The following GALNTL6 variants were observed in gnomAD, a reference collection of about 807,000 sequenced individuals.
GALNTL6 encodes polypeptide N-acetylgalactosaminyltransferase-like 6.
Under a neutral mutation model 73.7 loss-of-function variants are expected in GALNTL6, and 46 were observed. That is an observed-to-expected ratio of 0.62 (90% CI 0.49 to 0.80). The LOEUF is 0.80. GALNTL6 is among the 30% of genes least tolerant of loss of function. GALNTL6 has a pLI of 0.00. For synonymous variants in GALNTL6, 259 were observed against 263.7 expected (o/e 0.98, Z 0.17); for missense variants, 604 against 755.0 (o/e 0.80, Z 2.34).
intron 5 of GALNTL6, among the ~76,000 whole-genome samples, chr4:172,529,580 G>C (rs776713994): frequency 6.6e-6 from 1 of 152,076 alleles, no homozygotes; most frequent in Non-Finnish European, 1.5e-5. Flanking sequence ...TGTACCATAA[G>C]AAATTTAAGA....
intron 5 of GALNTL6, among the ~76,000 whole-genome samples, chr4:172,422,781 C>T (rs1204530126): frequency 6.6e-6 from 1 of 151,738 alleles, no homozygotes; most frequent in African/African-American, 2.4e-5. Flanking sequence ...TATTCTGCCA[C>T]AGCCTTTCCC....
intron 2 of GALNTL6, among the ~76,000 whole-genome samples, chr4:171,928,191 G>A (rs1738052449): frequency 6.6e-6 from 1 of 152,198 alleles, no homozygotes; most frequent in Non-Finnish European, 1.5e-5. Flanking sequence ...TATGTGAGAA[G>A]TGTTTAGTGC....
At chr4:172,493,930 C>T (rs1733978025) in intron 5 of GALNTL6, among the ~76,000 whole-genome samples, 1 of 152,094 alleles carries the variant, frequency 6.6e-6, no homozygotes, top group Non-Finnish European at 1.5e-5. Context: ...TTTTAAGATT[C>T]GGTTGCTATT....
intron 5 of GALNTL6, among the ~76,000 whole-genome samples, chr4:172,699,108 G>A (rs535684579): frequency 3.0e-4 from 46 of 152,202 alleles, no homozygotes; most frequent in African/African-American, 1.1e-3. Flanking sequence ...GGTGGAAGGG[G>A]CAAGAAAGCT....
At chr4:171,820,223 A>G (rs939938204) in intron 2 of GALNTL6, among the ~76,000 whole-genome samples, 1 of 152,150 alleles carries the variant, frequency 6.6e-6, no homozygotes, top group African/African-American at 2.4e-5. Flanking sequence ...AACTTTCTTC[A>G]CTAATGTGTT....
rs114865370 is a variant in GALNTL6 at position 172,267,869 on chromosome 4, G to T, written c.247+38105G>T. Among the ~76,000 whole-genome samples, 986 of 152,152 alleles carry T rather than the reference G, an allele frequency of 6.5e-3. 11 individuals carry two copies. The highest frequency in any genetic ancestry group is 0.023 in the African/African-American group (945 of 41,522). ...GGATGAACAAAATGAGCTACTGAAA[G>T]GCATTTGGAAAAAATGGCACTCTAA... On this transcript the variant is annotated intron_variant, in intron 3 of 12. Coordinates refer to ENST00000506823, the MANE Select transcript of GALNTL6 (RefSeq NM_001034845.3).
intron 5 of GALNTL6, among the ~76,000 whole-genome samples, chr4:172,417,925 A>G (rs931627430): frequency 4.6e-5 from 7 of 152,158 alleles, no homozygotes; most frequent in African/African-American, 1.7e-4. Flanking sequence ...AGGGTGAAAA[A>G]TTACTCAAGT....
chr4:171,957,759 A>G (rs1739094756), intron 2 of GALNTL6, among the ~76,000 whole-genome samples: 1 of 152,222 alleles, frequency 6.6e-6, no homozygotes, highest in Non-Finnish European at 1.5e-5. Context: ...GAGCAGGTGT[A>G]CAATCCATTC....
At chr4:172,249,312 G>C (rs748704683) in intron 3 of GALNTL6, among the ~76,000 whole-genome samples, 5 of 152,170 alleles carry the variant, frequency 3.3e-5, no homozygotes, top group Non-Finnish European at 4.4e-5. Context: ...TGAGAGAGAT[G>C]ATTTAGGGTA....
At chr4:171,990,171 A>G (rs1740293590) in intron 2 of GALNTL6, among the ~76,000 whole-genome samples, 1 of 152,218 alleles carries the variant, frequency 6.6e-6, no homozygotes, top group South Asian at 2.1e-4. Context: ...TTACCCAGAC[A>G]GTAAATTTAC....
chr4:172,361,089 A>G (rs1476490186), intron 5 of GALNTL6, among the ~76,000 whole-genome samples: 11 of 152,200 alleles, frequency 7.2e-5, no homozygotes, highest in Admixed American at 7.2e-4. Flanking sequence ...CAGCAAATGA[A>G]TGAATGATGA....
intron 3 of GALNTL6, among the ~76,000 whole-genome samples, chr4:172,243,257 C>T (rs1344738990): frequency 6.6e-6 from 1 of 152,178 alleles, no homozygotes; most frequent in African/African-American, 2.4e-5. Context: ...CTTAAGGTCA[C>T]CAGATCATAT....
intron 2 of GALNTL6, among the ~76,000 whole-genome samples, chr4:171,848,675 A>T (rs765049525): frequency 2.0e-5 from 3 of 152,006 alleles, no homozygotes; most frequent in Non-Finnish European, 4.4e-5. Context: ...CTTTCTTTAA[A>T]CCTCATGAAC....
intron 2 of GALNTL6, among the ~76,000 whole-genome samples, chr4:172,196,055 G>A (rs1265374649): frequency 1.5e-5 from 2 of 129,814 alleles, no homozygotes; most frequent in African/African-American, 3.0e-5. Context: ...AGCTAGACTA[G>A]TAAAGAAAAA....
At chr4:172,291,046 A>C (rs2111099795) in intron 3 of GALNTL6, among the ~76,000 whole-genome samples, 1 of 152,134 alleles carries the variant, frequency 6.6e-6, no homozygotes, top group East Asian at 1.9e-4. Context: ...CCCCCACAAA[A>C]AAAGGAATAA....
intron 2 of GALNTL6, among the ~76,000 whole-genome samples, chr4:171,943,322 G>A (rs536205534): frequency 1.5e-4 from 23 of 152,280 alleles, no homozygotes; most frequent in African/African-American, 5.5e-4. Context: ...CTCATCGGTA[G>A]CCTTCCAAAG....
intron 8 of GALNTL6, among the ~76,000 whole-genome samples, chr4:172,895,961 G>A (rs2111226423): frequency 6.6e-6 from 1 of 152,192 alleles, no homozygotes; most frequent in Non-Finnish European, 1.5e-5. Context: ...GGATTTCTCT[G>A]TGATTTTTAT....
intron 5 of GALNTL6, among the ~76,000 whole-genome samples, chr4:172,710,222 G>T: frequency 6.6e-6 from 1 of 152,032 alleles, no homozygotes; most frequent in South Asian, 2.1e-4. Context: ...TCTTGAGAAA[G>T]CAATTTGGCA....
intron 2 of GALNTL6, among the ~76,000 whole-genome samples, chr4:171,950,694 G>T (rs192467330): frequency 3.5e-4 from 53 of 152,078 alleles, no homozygotes; most frequent in South Asian, 6.2e-4. Context: ...CAGCCAGGCT[G>T]GTCTCGATCC....
Sources: allele counts gnomAD v4.1 joint callset (sites outside exome capture counted in the v4.1 genomes callset), GRCh38; gene constraint gnomAD v4.1.1; transcripts MANE v1.5; gene names NCBI Gene and HGNC (gene_info 2026-07-23, HGNC 2026-07-21).